The following YTHDF3 variants were observed in gnomAD, a reference collection of about 807,000 sequenced individuals.
The protein encoded by YTHDF3 is YTH domain-containing family protein 3.
Under a neutral mutation model 52.5 loss-of-function variants are expected in YTHDF3, and 9 were observed. That is an observed-to-expected ratio of 0.17 (90% CI 0.10 to 0.30). The LOEUF (loss-of-function observed/expected upper bound fraction) is 0.30, where lower values mean the gene tolerates loss of function less well. YTHDF3 is among the 10% of genes least tolerant of loss of function. The pLI is 1.00. For synonymous variants in YTHDF3, 274 were observed against 243.3 expected (o/e 1.13, Z -1.18); for missense variants, 534 against 715.0 (o/e 0.75, Z 2.89).
At chr8:63,185,179 C>CT (rs879541866) in intron 3 of YTHDF3, among the ~76,000 whole-genome samples, 3,855 of 144,440 alleles carry the variant, frequency 0.027, 148 homozygotes, top group African/African-American at 0.089. Flanking sequence ...TAGTTTCAGA[C>CT]TTTTTTTTTT....
At chr8:63,186,070 A>T in intron 3 of YTHDF3, 77 bp from the exon 4 acceptor site, 1 of 1,395,450 alleles carries the variant, frequency 7.2e-7, no homozygotes, top group Non-Finnish European at 9.7e-7. Context: ...AAACTTCTTG[A>T]TTTTAATCTT....
rs894878853 is a variant in YTHDF3 at position 63,196,032 on chromosome 8, C to T, written c.1734+8287C>T. 2.6e-5 allele frequency among the ~76,000 whole-genome samples: 4 copies of T among 152,092 alleles called. No individual in the cohort carries two copies. In the East Asian group the frequency reaches 7.8e-4, roughly 29 times the overall value. On this transcript the variant is annotated intron_variant, in intron 4 of 4. Transcript: ENST00000539294. ...GCCCAGGTTGGTTTAGAACTTAGAG[C>T]TCTGCCCGCCTCAGCCTCTCAAAGT...
At chr8:63,171,437 A>G (rs1807319450) in intron 2 of YTHDF3, among the ~76,000 whole-genome samples, 1 of 152,110 alleles carries the variant, frequency 6.6e-6, no homozygotes, top group Non-Finnish European at 1.5e-5. Flanking sequence ...ACTCCTTTGC[A>G]TGGAGCCTTG....
At chr8:63,209,394 A>G (rs1441744257) in intron 4 of YTHDF3, among the ~76,000 whole-genome samples, 1 of 152,182 alleles carries the variant, frequency 6.6e-6, no homozygotes, top group African/African-American at 2.4e-5. Context: ...AAAGGACTGA[A>G]AAGATGTTAT....
At chr8:63,197,467 A>G (rs963876885) in intron 4 of YTHDF3, among the ~76,000 whole-genome samples, 21 of 152,232 alleles carry the variant, frequency 1.4e-4, no homozygotes, top group African/African-American at 5.1e-4. Flanking sequence ...GAGTTTAAGG[A>G]AGATTAAATC....
intron 3 of YTHDF3, among the ~76,000 whole-genome samples, chr8:63,181,470 A>T (rs1033627377): frequency 1.2e-4 from 19 of 152,210 alleles, no homozygotes; most frequent in African/African-American, 4.3e-4. Context: ...GATTGGCAAA[A>T]TAGAACTTAC....
At chr8:63,202,917 C>T (rs1809735255) in intron 4 of YTHDF3, among the ~76,000 whole-genome samples, 1 of 152,094 alleles carries the variant, frequency 6.6e-6, no homozygotes, top group Non-Finnish European at 1.5e-5. Flanking sequence ...TTGAAACACG[C>T]ACACGGTGTT....
At chr8:63,174,008 G>C (rs1214333657) in intron 2 of YTHDF3, among the ~76,000 whole-genome samples, 1 of 152,074 alleles carries the variant, frequency 6.6e-6, no homozygotes, top group Non-Finnish European at 1.5e-5. Flanking sequence ...AAAGATTTAA[G>C]GGATTTTGTA....
intron 4 of YTHDF3, among the ~76,000 whole-genome samples, chr8:63,197,470 A>G (rs973713450): frequency 2.0e-5 from 3 of 152,232 alleles, no homozygotes; most frequent in Non-Finnish European, 4.4e-5. Flanking sequence ...TTTAAGGAAG[A>G]TTAAATCACT....
Position 63,209,822 on chromosome 8 carries a change from C to A in YTHDF3, c.*116C>A, listed in dbSNP as rs2150407519. On this transcript the variant is annotated 3_prime_UTR_variant, in exon 5 of 5. Coordinates refer to ENST00000539294, the MANE Select transcript of YTHDF3 (RefSeq NM_152758.6). Reference sequence around the variant, plus strand: ...TTCTGCTTAAGGTGACATCTTTGAACACTTTAACACAAAGTTGACTCTTCT... The same window carrying A: ...TTCTGCTTAAGGTGACATCTTTGAAAACTTTAACACAAAGTTGACTCTTCT... 3 of 1,015,466 alleles carry A rather than the reference C, an allele frequency of 3.0e-6. No individual in the cohort carries two copies. Among genetic ancestry groups the A allele is most frequent in the Non-Finnish European group, 4.2e-6 (3 of 710,062 alleles). The allele number at this position is 1,015,466 out of a possible 1,614,324, so 62.9% of individuals were successfully genotyped here. A position where few individuals can be genotyped will look rare whatever the true frequency, so the allele number is the denominator to read the frequency against.
intron 2 of YTHDF3, among the ~76,000 whole-genome samples, chr8:63,174,801 A>G (rs1256934376): frequency 6.6e-6 from 1 of 152,194 alleles, no homozygotes; most frequent in East Asian, 1.9e-4. Context: ...TCATTGTGAT[A>G]TTGTTTCAAG....
chr8:63,202,234 TTTCCCC>T (rs1809685855), intron 4 of YTHDF3, among the ~76,000 whole-genome samples: 1 of 152,214 alleles, frequency 6.6e-6, no homozygotes, highest in South Asian at 2.1e-4. Context: ...ATGATTGTCC[TTTCCCC>T]TGATAACTAT....
intron 4 of YTHDF3, among the ~76,000 whole-genome samples, chr8:63,189,533 CTA>C (rs771950588): frequency 3.3e-5 from 5 of 152,150 alleles, no homozygotes; most frequent in East Asian, 3.8e-4. Flanking sequence ...TAACTTAACT[CTA>C]TGTAAAATCA....
chr8:63,168,750 TCAGCGAACGGCGG>T lies in YTHDF3; in HGVS notation c.-122_-110del. 6.5e-7 allele frequency: 1 copy of T among 1,540,298 alleles called. No individual in the cohort carries two copies. The highest frequency in any genetic ancestry group is 8.8e-7 in the Non-Finnish European group (1 of 1,141,032). ...AGCGCGAGGCCCTCATTTTGGGTTC[TCAGCGAACGGCGG>T]CAGCGGCGGCGGCTGGAACAATCAC... On this transcript the variant is annotated 5_prime_UTR_variant, in exon 1 of 5. Transcript: ENST00000539294.
chr8:63,182,910 T>C (rs572542565), intron 3 of YTHDF3, among the ~76,000 whole-genome samples: 1 of 152,202 alleles, frequency 6.6e-6, no homozygotes, highest in African/African-American at 2.4e-5. Context: ...ATAAAGGATA[T>C]GTTTAACTGT....
chr8:63,169,504 C>T (rs1016619213), intron 2 of YTHDF3, 93 bp downstream of exon 2: 5 of 1,379,374 alleles, frequency 3.6e-6, no homozygotes, highest in African/African-American at 1.5e-5. Context: ...TTTGCTCCCT[C>T]TTGGGAAAAA....
At chr8:63,180,031 C>T (rs1432828442) in intron 3 of YTHDF3, among the ~76,000 whole-genome samples, 2 of 150,864 alleles carry the variant, frequency 1.3e-5, no homozygotes, top group East Asian at 4.0e-4. Context: ...GGCTGATCCC[C>T]CCATCTCCCT....
In YTHDF3 at chr8:63,171,655, G is replaced by C. The variant is rs557270084; in HGVS notation, c.49+2244G>C. Among the ~76,000 whole-genome samples the C allele has an allele frequency of 2.0e-5, 3 of 152,284 alleles. No individual in the cohort carries two copies. The South Asian group carries it at 6.2e-4, about 32-fold the overall frequency. The stretch of plus-strand genomic sequence containing the variant: ...ATTTGAGAAAAGCTTTTCTGCCTTA[G>C]CTTGTTCCCAGCTCGTAAAATTGTT... On this transcript the variant is annotated intron_variant, in intron 2 of 4. Coordinates refer to ENST00000539294, the MANE Select transcript of YTHDF3 (RefSeq NM_152758.6).
rs535731778 is a variant in YTHDF3, at chr8:63,185,465, G to C, written c.136-682G>C. 2.6e-5 allele frequency among the ~76,000 whole-genome samples: 4 copies of C among 152,142 alleles called. No homozygotes were observed. In the South Asian group the frequency reaches 8.3e-4, roughly 32 times the overall value. ...TGTGTAAAATTTGGGGAAGAGGAGAGTATAAAGAAAAGTCATGTCTGTTAT... is the reference window on the plus strand; with the variant it reads ...TGTGTAAAATTTGGGGAAGAGGAGACTATAAAGAAAAGTCATGTCTGTTAT... On this transcript the variant is annotated intron_variant, in intron 3 of 4. Transcript: ENST00000539294.
Sources: allele counts gnomAD v4.1 joint callset (sites outside exome capture counted in the v4.1 genomes callset), GRCh38; gene constraint gnomAD v4.1.1; transcripts MANE v1.5; gene names NCBI Gene and HGNC (gene_info 2026-07-23, HGNC 2026-07-21).